SETD2: variants seen among roughly 807,000 people sequenced by gnomAD.
SETD2 encodes SET domain containing 2, histone lysine methyltransferase, also known as histone-lysine N-methyltransferase SETD2.
SETD2 carries 31 observed loss-of-function variants against 242.1 expected under a neutral mutation model. That is an observed-to-expected ratio of 0.13 (90% CI 0.10 to 0.17). The LOEUF (loss-of-function observed/expected upper bound fraction) is 0.17. Ranked by LOEUF, SETD2 falls within the 10% of genes least tolerant of loss-of-function variation. The pLI is 1.00. For synonymous variants in SETD2, 1,006 were observed against 1,066.5 expected (o/e 0.94, Z 1.11); for missense variants, 2,481 against 3,046.3 (o/e 0.81, Z 4.37).
At position 47,120,189 on chromosome 3, in the gene SETD2, T is replaced by A. The variant is rs543066717; in HGVS notation, c.4447A>T (p.Thr1483Ser). The A allele has an allele frequency of 4.6e-6, 7 of 1,532,188 alleles. No individual in the cohort carries two copies. The African/African-American group carries it at 9.7e-5, about 21-fold the overall frequency. 94.9% of individuals were successfully genotyped at this position (1,532,188 alleles called of 1,614,324 possible). The change falls in exon 3 of 21, where the codon ACA becomes TCA. Residue 1483 changes from threonine (T) to serine (S), a missense_variant. Around this residue, in one of 17 missense-constraint regions of SETD2, gnomAD observed 48 missense variants for 76.6 expected, o/e 0.63. Coordinates refer to ENST00000409792, the MANE Select transcript of SETD2 (RefSeq NM_014159.7). ...AGTATTAATTAGACTTACCTTTCTG[T>A]TAAATAAACATTTTCTTCAATAAGA... ...FDLIEENVYL[T>S]ERKKNKSHRD...
At chr3:47,028,789 C>A in intron 18 of SETD2, 1 of 152,764 alleles carries the variant, frequency 6.5e-6, no homozygotes, top group Middle Eastern at 2.0e-3. Context: ...GCACAGGTGG[C>A]ATCATGTTCC....
intron 1 of SETD2, among the ~76,000 whole-genome samples, chr3:47,128,918 T>C (rs1575827435): frequency 6.6e-6 from 1 of 152,220 alleles, no homozygotes; most frequent in African/African-American, 2.4e-5. Context: ...TACCAGGAGA[T>C]GTCCAACCAA....
At chr3:47,088,292 A>C (rs759656963) in intron 9 of SETD2, 45 bp from the exon 10 acceptor site, 7 of 921,968 alleles carry the variant, frequency 7.6e-6, no homozygotes, top group Non-Finnish European at 1.0e-5. Context: ...CAACAACAAC[A>C]AAAAAAAAAA....
chr3:47,017,364 A>G lies in SETD2; in HGVS notation c.7534-110T>C. On this transcript the variant is annotated intron_variant, in intron 20 of 20. Coordinates refer to ENST00000409792, the MANE Select transcript of SETD2 (RefSeq NM_014159.7). This position sits in a 1 kb window ranked among gnomAD's most constrained non-coding sequence, Gnocchi z 4.8. ...CTGCTGCTTCAGGGCCCTTCTCACC[A>G]AGACAGGAAGTTAATAAGGGGGTAG... 8.6e-7 allele frequency: 1 copy of G among 1,167,822 alleles called. No homozygotes were observed. Among genetic ancestry groups the G allele is most frequent in the Non-Finnish European group, 1.2e-6 (1 of 824,244 alleles). The allele number at this position is 1,167,822 out of a possible 1,614,324, so 72.3% of individuals were successfully genotyped here. A position where few individuals can be genotyped will look rare whatever the true frequency, so the allele number is the denominator to read the frequency against.
chr3:47,109,578 G>T (rs1353882205), intron 5 of SETD2, among the ~76,000 whole-genome samples: 1 of 152,108 alleles, frequency 6.6e-6, no homozygotes, highest in Non-Finnish European at 1.5e-5. Flanking sequence ...AGCCCAGGAG[G>T]TTGAGGCAGC....
chr3:47,047,579 A>G (rs577072276), intron 15 of SETD2, among the ~76,000 whole-genome samples: 1 of 152,344 alleles, frequency 6.6e-6, no homozygotes, highest in African/African-American at 2.4e-5. Context: ...TCCAAATGAC[A>G]CCAGTAAAAA....
Position 47,120,680 on chromosome 3 carries a change from A to G in SETD2, c.3956T>C (p.Val1319Ala), listed in dbSNP as rs2107744657. The G allele has an allele frequency of 1.2e-6, 2 of 1,614,156 alleles. No individual in the cohort carries two copies. The highest frequency in any genetic ancestry group is 1.7e-6 in the Non-Finnish European group (2 of 1,180,046). Residue 1319 changes from valine to alanine, a missense_variant, in exon 3 of 21, where the codon GTG becomes GCG. Val to Ala is a moderately conservative substitution (Grantham distance 64, BLOSUM62 0). Transcript: ENST00000409792. ...RSGRPPGTGV[V>A]YDRTQGQVPD... is the part of the protein sequence containing the mutation. ...TACTTGTCCTTGAGTTCGATCATAC[A>G]CAACCCCAGTTCCAGGAGGTCTACC... is the stretch of plus-strand genomic sequence containing the variant.
chr3:47,136,068 T>A (rs1282923990), intron 1 of SETD2, among the ~76,000 whole-genome samples: 1 of 152,126 alleles, frequency 6.6e-6, no homozygotes, highest in East Asian at 1.9e-4. Context: ...ACCTCCTACA[T>A]CTCAAATATA....
Position 47,120,326 on chromosome 3 carries a change from G to A in SETD2, c.4310C>T (p.Ser1437Leu), listed in dbSNP as rs2043021232. ...AACCAGTGCTGAACCTGGGGGCACT[G>A]ATGTCTCTCCCTGCTCTACCTCCAC... ...VRVEVEQGETSVPPGSALVGP... is the reference protein window; with the variant it reads ...VRVEVEQGETLVPPGSALVGP... Residue 1437 changes from serine (S) to leucine (L), a missense_variant, in exon 3 of 21, where the codon TCA (serine) becomes TTA (leucine). Coordinates refer to ENST00000409792, the MANE Select transcript of SETD2 (RefSeq NM_014159.7). The A allele has an allele frequency of 6.2e-7, 1 of 1,613,920 alleles. No individual in the cohort carries two copies. Among genetic ancestry groups the A allele is most frequent in the East Asian group, 2.2e-5 (1 of 44,884 alleles).
chr3:47,062,237 C>T lies in SETD2; in HGVS notation c.6219G>A (p.Glu2073=), dbSNP rs2107589139. 1 of 1,614,090 alleles carries T rather than the reference C, an allele frequency of 6.2e-7. No individual in the cohort carries two copies. Among genetic ancestry groups the T allele is most frequent in the Non-Finnish European group, 8.5e-7 (1 of 1,179,998 alleles). Residue 2073 remains glutamate (E), a synonymous_variant, in exon 14 of 21, where the codon GAG becomes GAA. Coordinates refer to ENST00000409792, the MANE Select transcript of SETD2 (RefSeq NM_014159.7). ...AGAGGGAGCTTCTTCGTTTCCTTTT[C>T]TCTTTATTTTGAGTTTGCTTGTCTG... is the stretch of plus-strand genomic sequence containing the variant. ...RDPDKQTQNK[E]KRKRRSSLSP...
chr3:47,038,995 T>C (rs987385579), intron 17 of SETD2, among the ~76,000 whole-genome samples: 1 of 152,186 alleles, frequency 6.6e-6, no homozygotes, highest in Non-Finnish European at 1.5e-5. Context: ...TCAGTGTATA[T>C]ACATATATAT....
intron 13 of SETD2, among the ~76,000 whole-genome samples, chr3:47,064,804 A>G (rs955540987): frequency 6.8e-6 from 1 of 147,850 alleles, no homozygotes; most frequent in Non-Finnish European, 1.5e-5. Context: ...TATAATATAT[A>G]AAAATATAAA....
intron 8 of SETD2, among the ~76,000 whole-genome samples, chr3:47,100,324 G>A (rs1000612329): frequency 5.9e-5 from 9 of 151,606 alleles, no homozygotes; most frequent in African/African-American, 9.7e-5. Flanking sequence ...GCAACAGCAC[G>A]ATTTCAGCTC....
chr3:47,101,671 T>C, intron 7 of SETD2, 116 bp from the exon 8 acceptor site: 1 of 588,524 alleles, frequency 1.7e-6, no homozygotes, highest in Non-Finnish European at 3.0e-6. Context: ...GCCTTAATTA[T>C]GCAAGTGGGT....
intron 4 of SETD2, 49 bp from the exon 5 acceptor site, chr3:47,114,053 C>A (rs765252922): frequency 1.3e-6 from 2 of 1,573,954 alleles, no homozygotes; most frequent in Admixed American, 3.9e-5. Context: ...AGCAAAAGAA[C>A]CAAAGTAACT....
intron 12 of SETD2, among the ~76,000 whole-genome samples, chr3:47,074,020 G>T (rs115739510): frequency 3.1e-3 from 478 of 152,308 alleles, no homozygotes; most frequent in African/African-American, 0.011. Context: ...GTGTGAATGT[G>T]TGCAATGACT....
intron 18 of SETD2, among the ~76,000 whole-genome samples, chr3:47,021,330 T>C (rs1404729962): frequency 2.6e-5 from 4 of 152,170 alleles, no homozygotes; most frequent in Admixed American, 6.5e-5. Context: ...CTGGGTCCTA[T>C]AGAAGAGGCC....
chr3:47,087,612 A>C (rs1246634284), intron 10 of SETD2, among the ~76,000 whole-genome samples: 1 of 152,186 alleles, frequency 6.6e-6, no homozygotes. Context: ...TGAACTCTTT[A>C]GCCATTTTAA....
intron 13 of SETD2, chr3:47,064,648 A>C (rs974693227): frequency 4.8e-6 from 2 of 418,942 alleles, no homozygotes; most frequent in African/African-American, 4.1e-5. Context: ...TATAAAAATG[A>C]GGGTAAAGTT....
Sources: gnomAD v4.1 joint callset for allele counts (sites outside exome capture counted in the v4.1 genomes callset) on GRCh38, gnomAD v4.1.1 for gene constraint, gnomAD v4.1.1 regional missense constraint, Gnocchi (gnomAD v3.1) non-coding constraint, MANE v1.5 for transcripts, NCBI Gene and HGNC (gene_info 2026-07-23, HGNC 2026-07-21) for gene names.